SAMD7: variants seen among roughly 807,000 people sequenced by gnomAD.
SAMD7 encodes sterile alpha motif domain-containing protein 7.
In SAMD7, 34 loss-of-function variants were observed where a neutral mutation model predicts 36.7. The observed-to-expected ratio is 0.93, with a 90% CI of 0.71 to 1.23. SAMD7 has a LOEUF of 1.23. Ranked by LOEUF, SAMD7 falls within the 50% of genes most tolerant of loss-of-function variation. SAMD7 has a pLI of 0.00. For missense variants in SAMD7, 570 were observed against 546.6 expected, an observed-to-expected ratio of 1.04 and a Z score of -0.43; for synonymous variants, 188 against 189.7, an observed-to-expected ratio of 0.99 and a Z score of 0.07.
chr3:169,934,020 C>G (rs1289904311), intron 7 of SAMD7, among the ~76,000 whole-genome samples: 1 of 152,094 alleles, frequency 6.6e-6, no homozygotes, highest in African/African-American at 2.4e-5. Flanking sequence ...ATGGTTGGGA[C>G]TTTGAGAGTA....
chr3:169,932,545 C>T (rs1713544285), intron 7 of SAMD7: 1 of 540,710 alleles, frequency 1.8e-6, no homozygotes, highest in Admixed American at 2.1e-5. Context: ...AGCCTGTTAC[C>T]ATGGAGCAGC....
At chr3:169,929,862 A>G (rs1045007596) in intron 7 of SAMD7, among the ~76,000 whole-genome samples, 1 of 151,754 alleles carries the variant, frequency 6.6e-6, no homozygotes, top group Admixed American at 6.6e-5. Flanking sequence ...TTTTTGGCCT[A>G]CTCTTCCCTG....
chr3:169,922,115 G>C (rs1270927580), intron 4 of SAMD7, among the ~76,000 whole-genome samples: 1 of 152,160 alleles, frequency 6.6e-6, no homozygotes, highest in East Asian at 1.9e-4. Context: ...GAGAATCAGA[G>C]GCTCAGCTTG....
Position 169,927,086 on chromosome 3 carries a change from G to A in SAMD7, c.824G>A (p.Trp275Ter), listed in dbSNP as rs373575154. The A allele has an allele frequency of 8.7e-6, 14 of 1,600,862 alleles. No homozygotes were observed. Among genetic ancestry groups the A allele is most frequent in the African/African-American group, 1.4e-5 (1 of 73,650 alleles). ...SHTTTLKAKAWDDGKEEASEQ... is the reference protein window; with the variant it reads ...SHTTTLKAKA ...ACCACTACCCTGAAAGCAAAGGCCT[G>A]GGACGATGGGAAAGAGGAGGCTTCG... Residue 275 changes from tryptophan (W) to a stop codon, truncating the protein, a stop_gained, in exon 6 of 9, where the codon TGG becomes TAG. Coordinates refer to ENST00000335556, the MANE Select transcript of SAMD7 (RefSeq NM_001304366.2). LOFTEE classifies it high-confidence loss of function.
chr3:169,931,298 G>A (rs893454303), intron 7 of SAMD7, among the ~76,000 whole-genome samples: 1 of 152,200 alleles, frequency 6.6e-6, no homozygotes, highest in African/African-American at 2.4e-5. Flanking sequence ...GAGAAAGAAG[G>A]GGGTACATCT....
intron 7 of SAMD7, among the ~76,000 whole-genome samples, chr3:169,934,313 A>G (rs545144971): frequency 6.6e-6 from 1 of 152,272 alleles, no homozygotes; most frequent in Non-Finnish European, 1.5e-5. Context: ...GGGTGGGAGC[A>G]GTGGGGGCAG....
intron 2 of SAMD7, among the ~76,000 whole-genome samples, chr3:169,915,975 G>T (rs542421348): frequency 6.6e-6 from 1 of 152,072 alleles, no homozygotes; most frequent in South Asian, 2.1e-4. Context: ...TTTGGCATAC[G>T]CATAATCCAT....
chr3:169,933,236 C>A, intron 7 of SAMD7: 1 of 556,044 alleles, frequency 1.8e-6, no homozygotes, highest in Non-Finnish European at 3.4e-6. Context: ...CCACTTGTAA[C>A]TCTCAATAAA....
chr3:169,930,182 G>A (rs1713430651), intron 7 of SAMD7, among the ~76,000 whole-genome samples: 3 of 152,130 alleles, frequency 2.0e-5, no homozygotes, highest in Admixed American at 6.5e-5. Context: ...CCCCTTGTGG[G>A]TACACAGAAG....
In SAMD7 at chr3:169,936,465, ATAAC is replaced by A. The variant is rs1164389314; in HGVS notation, c.1152+20_1152+23del. ...TCAGTCACAGGTATGGTGATTTTAT[ATAAC>A]TAATTATGTATTAATGGCACAAAGC... On this transcript the variant is annotated intron_variant, in intron 8 of 8. Transcript: ENST00000335556. The A allele has an allele frequency of 7.6e-6, 10 of 1,320,026 alleles. No individual in the cohort carries two copies. The South Asian group carries it at 1.2e-4, about 16-fold the overall frequency. The allele number at this position is 1,320,026 out of a possible 1,614,324, so 81.8% of individuals were successfully genotyped here. A position where few individuals can be genotyped will look rare whatever the true frequency, so the allele number is the denominator to read the frequency against.
chr3:169,936,207 AG>A, intron 7 of SAMD7, 131 bp from the exon 8 acceptor site: 1 of 605,566 alleles, frequency 1.7e-6, no homozygotes, highest in Non-Finnish European at 3.0e-6. Flanking sequence ...AACTAAAAAA[AG>A]GTTTTACAAA....
intron 2 of SAMD7, among the ~76,000 whole-genome samples, chr3:169,915,857 C>T (rs1246490023): frequency 6.6e-6 from 1 of 151,950 alleles, no homozygotes; most frequent in Non-Finnish European, 1.5e-5. Flanking sequence ...GGATTACAGG[C>T]GTGAGCCACC....
intron 7 of SAMD7, among the ~76,000 whole-genome samples, chr3:169,934,614 G>A (rs190675291): frequency 1.3e-5 from 2 of 152,180 alleles, no homozygotes; most frequent in Non-Finnish European, 2.9e-5. Context: ...GCTTTTGTGG[G>A]TGGGGGACAC....
Position 169,936,428 on chromosome 3 carries a change from G to A in SAMD7, c.1131G>A (p.Pro377=), listed in dbSNP as rs9836170. The change falls in exon 8 of 9, where the codon CCG becomes CCA. Residue 377 remains proline (P), a synonymous_variant. Transcript: ENST00000335556. ...LRGTMGLKLG[P]ALKIQSQVSQ... The stretch of plus-strand genomic sequence containing the variant: ...GCACTATGGGATTAAAGCTAGGGCC[G>A]GCACTAAAAATTCAGTCACAGGTAT... The A allele has an allele frequency of 0.057, 91,944 of 1,608,992 alleles. 3,742 individuals carry two copies. The highest frequency in any genetic ancestry group is 0.16 in the East Asian group (7,323 of 44,764).
intron 8 of SAMD7, among the ~76,000 whole-genome samples, chr3:169,937,281 T>A (rs1036143595): frequency 3.4e-4 from 51 of 152,152 alleles, no homozygotes; most frequent in Non-Finnish European, 7.3e-4. Context: ...TTTTAAGTTA[T>A]GGGGTACATG....
At chr3:169,927,976 T>C (rs1713342028) in intron 6 of SAMD7, among the ~76,000 whole-genome samples, 1 of 152,184 alleles carries the variant, frequency 6.6e-6, no homozygotes, top group Admixed American at 6.5e-5. Context: ...GCACACTGAA[T>C]AGTTTTCTAG....
Position 169,936,206 on chromosome 3 carries a change from A to G in SAMD7, c.1042-133A>G, listed in dbSNP as rs1020641767. On this transcript the variant is annotated intron_variant, in intron 7 of 8. Transcript: ENST00000335556. The stretch of plus-strand genomic sequence containing the variant: ...GCACAGAAAAGAGAGCAACTAAAAA[A>G]AGGTTTTACAAATTTTTTTGTCATC... The G allele has an allele frequency of 1.8e-5, 11 of 605,590 alleles. No individual in the cohort carries two copies. In the African/African-American group the frequency reaches 2.1e-4, roughly 11 times the overall value. The allele number at this position is 605,590 out of a possible 1,614,324, so 37.5% of individuals were successfully genotyped here.
intron 7 of SAMD7, 121 bp from the exon 8 acceptor site, chr3:169,936,218 A>T: frequency 1.6e-6 from 1 of 626,774 alleles, no homozygotes; most frequent in Non-Finnish European, 2.8e-6. Context: ...GGTTTTACAA[A>T]TTTTTTTGTC....
chr3:169,914,602 T>C (rs1208511322), intron 1 of SAMD7, among the ~76,000 whole-genome samples: 3 of 152,132 alleles, frequency 2.0e-5, no homozygotes, highest in African/African-American at 7.2e-5. Flanking sequence ...ACCACTCCCC[T>C]GGCATTTCAA....
Sources: gnomAD v4.1 joint callset for allele counts (sites outside exome capture counted in the v4.1 genomes callset) on GRCh38, gnomAD v4.1.1 for gene constraint, MANE v1.5 for transcripts, NCBI Gene and HGNC (gene_info 2026-07-23, HGNC 2026-07-21) for gene names.